Variants in OTOGL observed in about 807,000 individuals in gnomAD.
The protein encoded by OTOGL is otogelin like, also known as otogelin-like protein.
Under a neutral mutation model 318.5 loss-of-function variants are expected in OTOGL, and 285 were observed. The observed-to-expected ratio is 0.89, with a 90% CI of 0.81 to 0.99. OTOGL has a LOEUF of 0.99. Ranked by LOEUF, OTOGL falls within the 50% of genes least tolerant of loss-of-function variation. The pLI is 0.00. For synonymous variants in OTOGL, 987 were observed against 936.5 expected (o/e 1.05, Z -0.99); for missense variants, 2,899 against 2,845.6 (o/e 1.02, Z -0.43).
intron 52 of OTOGL, among the ~76,000 whole-genome samples, chr12:80,359,454 G>T (rs575286407): frequency 5.3e-5 from 8 of 152,176 alleles, no homozygotes; most frequent in Non-Finnish European, 7.4e-5. Flanking sequence ...ATGATATGCC[G>T]ATAAGGCTTG....
chr12:80,266,335 A>G, intron 20 of OTOGL, 116 bp from the exon 21 acceptor site: 1 of 1,086,040 alleles, frequency 9.2e-7, no homozygotes, highest in Non-Finnish European at 1.3e-6. Context: ...AGGGTCTCCC[A>G]ATTCCTTGCC....
In OTOGL at chr12:80,358,928, T is replaced by A. The variant is rs376940666; in HGVS notation, c.6267+28T>A. The A allele has an allele frequency of 1.9e-4, 267 of 1,427,790 alleles. No individual in the cohort carries two copies. The Middle Eastern group carries it at 1.9e-3, about 10-fold the overall frequency. 88.4% of individuals were successfully genotyped at this position (1,427,790 alleles called of 1,614,324 possible). ...AAGAACACATATTTTGATTGACTTG[T>A]CATATTTATTTAAATCTGTTTATTC... On this transcript the variant is annotated intron_variant, in intron 52 of 58. Transcript: ENST00000547103.
intron 27 of OTOGL, among the ~76,000 whole-genome samples, chr12:80,301,434 A>G (rs1186828493): frequency 6.6e-6 from 1 of 152,116 alleles, no homozygotes; most frequent in Non-Finnish European, 1.5e-5. Context: ...TATTGACTAC[A>G]TTTTGCACAT....
intron 1 of OTOGL, among the ~76,000 whole-genome samples, chr12:80,192,737 A>G (rs923311901): frequency 4.5e-5 from 6 of 132,522 alleles, no homozygotes; most frequent in African/African-American, 1.5e-4. Context: ...ATGTCTTCGT[A>G]TATTTAGGGG....
At chr12:80,191,170 G>A (rs1395698964) in intron 1 of OTOGL, among the ~76,000 whole-genome samples, 1 of 152,236 alleles carries the variant, frequency 6.6e-6, no homozygotes, top group African/African-American at 2.4e-5. Context: ...GGGAGCAGTG[G>A]TTCATGCCTA....
intron 1 of OTOGL, among the ~76,000 whole-genome samples, chr12:80,147,145 T>C (rs1270290838): frequency 6.6e-6 from 1 of 152,088 alleles, no homozygotes; most frequent in African/African-American, 2.4e-5. Flanking sequence ...AATTGTGATG[T>C]TAGGATGTCA....
intron 51 of OTOGL, 29 bp from the exon 52 acceptor site, chr12:80,358,831 A>G (rs755899352): frequency 7.2e-6 from 11 of 1,535,230 alleles, no homozygotes; most frequent in Non-Finnish European, 8.8e-6. Context: ...ATTTTGATCA[A>G]TGTAAATATG....
chr12:80,323,897 A>C, intron 35 of OTOGL, 57 bp downstream of exon 35: 8 of 1,362,374 alleles, frequency 5.9e-6, no homozygotes, highest in Non-Finnish European at 8.3e-6. Flanking sequence ...TTCTGTTTTC[A>C]GTTGATTTTT....
At position 80,210,862 on chromosome 12, in the gene OTOGL, C is replaced by A; in HGVS notation, c.95C>A (p.Ser32Ter). Residue 32 changes from serine to a stop codon, truncating the protein, a stop_gained, in exon 3 of 59, where the codon TCG (serine) becomes TAG (stop). Transcript: ENST00000547103. LOFTEE classifies it high-confidence loss of function. ...TCTCTGGCAGAATATATTTGTGCATCGTCTATATTGATGGGAACATCAAAG... is the reference window on the plus strand; with the variant it reads ...TCTCTGGCAGAATATATTTGTGCATAGTCTATATTGATGGGAACATCAAAG... ...LFSLQEYICASSILMGTSKNG... is the reference protein window; with the variant it reads ...LFSLQEYICA The A allele has an allele frequency of 6.8e-7, 1 of 1,472,506 alleles. No homozygotes were observed. Among genetic ancestry groups the A allele is most frequent in the East Asian group, 2.6e-5 (1 of 38,228 alleles). 91.2% of individuals were successfully genotyped at this position (1,472,506 alleles called of 1,614,324 possible).
chr12:80,281,559 T>C (rs2137635486), intron 26 of OTOGL, among the ~76,000 whole-genome samples: 1 of 152,148 alleles, frequency 6.6e-6, no homozygotes, highest in Non-Finnish European at 1.5e-5. Flanking sequence ...TTGATTGTGG[T>C]GGATTAGCTT....
chr12:80,363,717 C>T (rs2400698), intron 52 of OTOGL, among the ~76,000 whole-genome samples: 143,141 of 152,202 alleles, frequency 0.94, 67,386 homozygotes, highest in East Asian at 1. Context: ...CAGAGCTCCT[C>T]TTATTTTTTT....
intron 6 of OTOGL, among the ~76,000 whole-genome samples, chr12:80,221,690 G>A (rs568627146): frequency 3.3e-5 from 5 of 152,008 alleles, no homozygotes; most frequent in Admixed American, 1.3e-4. Flanking sequence ...GTTTTTGAAA[G>A]ACTAGAACAC....
intron 2 of OTOGL, 96 bp from the exon 3 acceptor site, chr12:80,210,751 T>C (rs1211932648): frequency 4.2e-6 from 4 of 942,724 alleles, no homozygotes; most frequent in Non-Finnish European, 4.4e-6. Context: ...ATCAGAATTT[T>C]AGAATTTAGG....
intron 1 of OTOGL, among the ~76,000 whole-genome samples, chr12:80,205,181 T>C (rs1298373734): frequency 6.6e-6 from 1 of 152,236 alleles, no homozygotes; most frequent in Non-Finnish European, 1.5e-5. Flanking sequence ...AATAGTGCCT[T>C]ACATTAATAT....
chr12:80,307,035 T>C (rs11832046), intron 29 of OTOGL, among the ~76,000 whole-genome samples: 28,441 of 148,120 alleles, frequency 0.19, 2,928 homozygotes, highest in Middle Eastern at 0.23. Context: ...CCTTCAAGCA[T>C]CTGTTTAACA....
chr12:80,262,897 T>C (rs915311440), intron 19 of OTOGL, among the ~76,000 whole-genome samples: 4 of 152,166 alleles, frequency 2.6e-5, no homozygotes, highest in Non-Finnish European at 2.9e-5. Context: ...GTTCACTATT[T>C]GGATGTAGTT....
intron 27 of OTOGL, among the ~76,000 whole-genome samples, chr12:80,298,550 C>T (rs1356210935): frequency 6.6e-6 from 1 of 152,126 alleles, no homozygotes; most frequent in African/African-American, 2.4e-5. Flanking sequence ...GCTCAGAAGA[C>T]ATGCTCTGGA....
chr12:80,279,321 A>G (rs1298389009), intron 26 of OTOGL, among the ~76,000 whole-genome samples, 155 bp downstream of exon 26: 2 of 151,512 alleles, frequency 1.3e-5, no homozygotes, highest in Non-Finnish European at 3.0e-5. Context: ...GTTCGGGGGT[A>G]CTTGGGAAGG....
rs1179938141 is a variant in OTOGL, at chr12:80,253,576, T to C, written c.1394+2T>C. On this transcript the variant is annotated splice_donor_variant, in intron 14 of 58. Transcript: ENST00000547103. LOFTEE classifies it high-confidence loss of function. Reference sequence around the variant, plus strand: ...AATTGAACAAGAATGTACTGAATGGTATGTGATCAGTGTGCAGCCAATTAT... The same window carrying C: ...AATTGAACAAGAATGTACTGAATGGCATGTGATCAGTGTGCAGCCAATTAT... 1.3e-6 allele frequency: 2 copies of C among 1,596,026 alleles called. No individual in the cohort carries two copies. The highest frequency in any genetic ancestry group is 1.7e-6 in the Non-Finnish European group (2 of 1,163,888).
Sources: allele counts gnomAD v4.1 joint callset (sites outside exome capture counted in the v4.1 genomes callset), GRCh38; gene constraint gnomAD v4.1.1; transcripts MANE v1.5; gene names NCBI Gene and HGNC (gene_info 2026-07-23, HGNC 2026-07-21).